Variants in ZDHHC17 observed in about 807,000 individuals in gnomAD.
ZDHHC17 encodes the protein palmitoyltransferase ZDHHC17.
Under a neutral mutation model 90.3 loss-of-function variants are expected in ZDHHC17, and 40 were observed. The observed-to-expected ratio is 0.44, with a 90% CI of 0.34 to 0.58. The LOEUF is 0.58. Ranked by LOEUF, ZDHHC17 falls within the 20% of genes least tolerant of loss-of-function variation. The probability of loss-of-function intolerance (pLI) is 0.01; values close to 1 mark genes in which losing one functional copy is unlikely to be tolerated. For synonymous variants in ZDHHC17, 235 were observed against 252.4 expected (o/e 0.93, Z 0.65); for missense variants, 614 against 780.8 (o/e 0.79, Z 2.55).
intron 14 of ZDHHC17, 97 bp from the exon 15 acceptor site, chr12:76,848,136 G>C: frequency 1.6e-6 from 2 of 1,287,734 alleles, no homozygotes; most frequent in South Asian, 2.9e-5. Context: ...AATCTAGACT[G>C]TTTGACTATG....
chr12:76,822,065 A>G (rs564769821), intron 7 of ZDHHC17, among the ~76,000 whole-genome samples: 4 of 152,180 alleles, frequency 2.6e-5, no homozygotes, highest in Non-Finnish European at 5.9e-5. Flanking sequence ...AATAACTATT[A>G]CTAATGAAAT....
At chr12:76,767,071 T>C (rs1362170006) in intron 1 of ZDHHC17, among the ~76,000 whole-genome samples, 1 of 151,872 alleles carries the variant, frequency 6.6e-6, no homozygotes, top group African/African-American at 2.4e-5. Context: ...CCTAGTTTAC[T>C]TGGCTGTAAG....
At chr12:76,801,585 C>T (rs1215489863) in intron 2 of ZDHHC17, among the ~76,000 whole-genome samples, 4 of 151,742 alleles carry the variant, frequency 2.6e-5, no homozygotes, top group Non-Finnish European at 5.9e-5. Flanking sequence ...ACCTGGGAGG[C>T]GGAGCTTGCA....
At chr12:76,845,523 G>T (rs1400589421) in intron 12 of ZDHHC17, 186 bp from the exon 13 acceptor site, 2 of 313,050 alleles carry the variant, frequency 6.4e-6, no homozygotes, top group East Asian at 5.0e-5. Context: ...TTTATTCTTT[G>T]TTTTTGCAGT....
chr12:76,805,305 T>G lies in ZDHHC17; in HGVS notation c.198-12T>G, dbSNP rs759770576. 2 of 1,581,704 alleles carry G rather than the reference T, an allele frequency of 1.3e-6. No homozygotes were observed. The highest frequency in any genetic ancestry group is 2.7e-5 in the African/African-American group (2 of 74,132). ...TAAATAATAACAATGCCATATTTTCTTTCTTTTCTAGATATGGAATATATG... is the reference window on the plus strand; with the variant it reads ...TAAATAATAACAATGCCATATTTTCGTTCTTTTCTAGATATGGAATATATG... On this transcript the variant is annotated splice_polypyrimidine_tract_variant and intron_variant, in intron 2 of 16. Transcript: ENST00000426126.
intron 1 of ZDHHC17, among the ~76,000 whole-genome samples, chr12:76,791,132 C>T (rs1051182216): frequency 6.6e-6 from 1 of 152,124 alleles, no homozygotes; most frequent in African/African-American, 2.4e-5. Context: ...CATGGTGTTT[C>T]AGGTAGGTTG....
intron 1 of ZDHHC17, among the ~76,000 whole-genome samples, chr12:76,774,189 G>A (rs1272294576): frequency 6.6e-6 from 1 of 152,128 alleles, no homozygotes; most frequent in Non-Finnish European, 1.5e-5. Flanking sequence ...GGTTGAGGCT[G>A]CAGTGAGCCG....
Position 76,786,178 on chromosome 12 carries a change from G to A in ZDHHC17, c.94-11256G>A, listed in dbSNP as rs150790597. Among the ~76,000 whole-genome samples, 15 of 151,106 alleles carry A rather than the reference G, an allele frequency of 9.9e-5. No individual in the cohort carries two copies. In the East Asian group the frequency reaches 2.7e-3, roughly 27 times the overall value. On this transcript the variant is annotated intron_variant, in intron 1 of 16. Transcript: ENST00000426126. ...CTCTGTTGCCCAGGAGTGCAGTGGT[G>A]TGATCACAGTTTACTGTAGGCTCAA...
intron 1 of ZDHHC17, among the ~76,000 whole-genome samples, chr12:76,782,120 A>G (rs1952634198): frequency 2.0e-5 from 3 of 152,192 alleles, no homozygotes. Context: ...ATTTAATTTG[A>G]GGAAGGATTC....
rs61663401 is a variant in ZDHHC17 at position 76,788,688 on chromosome 12, A to ATATTTTT, written c.94-8745_94-8744insATTTTTT. On this transcript the variant is annotated intron_variant, in intron 1 of 16. Coordinates refer to ENST00000426126, the MANE Select transcript of ZDHHC17 (RefSeq NM_015336.4). ...AAAATATATTTAAGTTGGAATCGCAATTTTTTTTTTTTTTTTTTTTTTTTT... is the reference window on the plus strand; with the variant it reads ...AAAATATATTTAAGTTGGAATCGCAATATTTTTTTTTTTTTTTTTTTTTTTTTTTTTT... Among the ~76,000 whole-genome samples the ATATTTTT allele has an allele frequency of 6.7e-4, 66 of 98,658 alleles. 12 individuals carry two copies. The highest frequency in any genetic ancestry group is 2.6e-3 in the East Asian group (7 of 2,742). 64.7% of individuals were successfully genotyped at this position (98,658 alleles called of 152,430 possible).
chr12:76,850,953 C>A lies in ZDHHC17; in HGVS notation c.1867C>A (p.Gln623Lys), dbSNP rs749047468. ...WTRQYTIEYD[Q>K]ISGSGYQLV is the part of the protein sequence containing the mutation. ...CAGGCAGTATACAATAGAATATGAC[C>A]AAATATCAGGATCTGGGTACCAGCT... Residue 623 changes from glutamine (Q) to lysine (K), a missense_variant, in exon 17 of 17, where the codon CAA becomes AAA. Physicochemically the swap from Gln to Lys is moderately conservative, Grantham distance 53. This residue lies in a region of ZDHHC17 where 28 missense variants were observed against 20.0 expected (regional missense o/e 1.40). Transcript: ENST00000426126. 1 of 1,613,778 alleles carries A rather than the reference C, an allele frequency of 6.2e-7. No individual in the cohort carries two copies. Among genetic ancestry groups the A allele is most frequent in the Non-Finnish European group, 8.5e-7 (1 of 1,179,824 alleles).
intron 16 of ZDHHC17, chr12:76,849,672 A>G (rs978450711): frequency 5.3e-6 from 2 of 375,720 alleles, no homozygotes; most frequent in South Asian, 1.2e-4. Context: ...ATCTCCTTAT[A>G]TTTTTTTCTT....
chr12:76,833,041 C>A (rs2137792749), intron 10 of ZDHHC17, among the ~76,000 whole-genome samples: 1 of 152,244 alleles, frequency 6.6e-6, no homozygotes, highest in Non-Finnish European at 1.5e-5. Context: ...CCTACATAAT[C>A]TGATACCCAG....
chr12:76,767,337 A>G (rs2137704738), intron 1 of ZDHHC17, among the ~76,000 whole-genome samples: 1 of 152,374 alleles, frequency 6.6e-6, no homozygotes, highest in South Asian at 2.1e-4. Flanking sequence ...TTTGTTAAGC[A>G]GATGAATTAT....
intron 8 of ZDHHC17, among the ~76,000 whole-genome samples, chr12:76,823,168 GT>G (rs1431035408): frequency 2.0e-5 from 3 of 152,084 alleles, no homozygotes; most frequent in Non-Finnish European, 2.9e-5. Context: ...AAAAATAAAG[GT>G]TTTTCTAGTG....
intron 1 of ZDHHC17, among the ~76,000 whole-genome samples, chr12:76,794,547 A>G (rs1425422631): frequency 1.3e-5 from 2 of 152,194 alleles, no homozygotes; most frequent in Non-Finnish European, 2.9e-5. Context: ...TAACTCTGCC[A>G]CTGTAGAATT....
chr12:76,840,485 T>G (rs1180991172), intron 10 of ZDHHC17: 2 of 151,938 alleles, frequency 1.3e-5, no homozygotes, highest in African/African-American at 4.8e-5. Context: ...GGATTACAGG[T>G]GTGTACCACC....
At chr12:76,811,116 A>G (rs529873167) in intron 5 of ZDHHC17, among the ~76,000 whole-genome samples, 1 of 152,110 alleles carries the variant, frequency 6.6e-6, no homozygotes, top group Non-Finnish European at 1.5e-5. Flanking sequence ...TGACACAGCA[A>G]CGTTTTTTCT....
chr12:76,839,103 T>C (rs1953402413), intron 10 of ZDHHC17, among the ~76,000 whole-genome samples: 2 of 152,238 alleles, frequency 1.3e-5, no homozygotes. Context: ...CACGGTCCTA[T>C]TGGATTAGGC....
Sources: gnomAD v4.1 joint callset for allele counts (sites outside exome capture counted in the v4.1 genomes callset) on GRCh38, gnomAD v4.1.1 for gene constraint, gnomAD v4.1.1 regional missense constraint, MANE v1.5 for transcripts, NCBI Gene and HGNC (gene_info 2026-07-23, HGNC 2026-07-21) for gene names.